ARAP1: variants seen among roughly 807,000 people sequenced by gnomAD.
The protein encoded by ARAP1 is ArfGAP with RhoGAP domain, ankyrin repeat and PH domain 1, also known as arf-GAP with Rho-GAP domain, ANK repeat and PH domain-containing protein 1.
A neutral mutation model predicts 172.2 loss-of-function variants in ARAP1; 76 were observed. The observed-to-expected ratio is 0.44, with a 90% CI of 0.37 to 0.53. The LOEUF (loss-of-function observed/expected upper bound fraction) is 0.53. ARAP1 is among the 20% of genes least tolerant of loss of function. The probability of loss-of-function intolerance (pLI) is 0.00; values close to 1 mark genes in which losing one functional copy is unlikely to be tolerated. For synonymous variants in ARAP1, 804 were observed against 803.3 expected (o/e 1.00, Z -0.01); for missense variants, 1,686 against 1,977.5 (o/e 0.85, Z 2.80).
Position 72,697,417 on chromosome 11 carries a change from G to A in ARAP1, c.2859C>T (p.Ala953=). ...CCGACAGCGTGTCCCCCATGCTGGC[G>A]GCTGCTTTCTGGATGGCCCCCAGCC... ...MGWLGAIQKA[A]ASMGDTLSEQ... The change falls in exon 21 of 35, where the codon GCC becomes GCT. Residue 953 remains alanine, a synonymous_variant. Transcript: ENST00000393609. 1.2e-6 allele frequency: 2 copies of A among 1,611,892 alleles called. No individual in the cohort carries two copies. The highest frequency in any genetic ancestry group is 1.7e-6 in the Non-Finnish European group (2 of 1,179,504).
chr11:72,686,334 C>T (rs146488102), intron 33 of ARAP1, 143 bp from the exon 34 acceptor site: 3 of 1,144,180 alleles, frequency 2.6e-6, no homozygotes, highest in Non-Finnish European at 3.6e-6. Context: ...ATATGAGAAG[C>T]AGCTGTGGGG....
Position 72,687,713 on chromosome 11 carries a change from T to C in ARAP1, c.4096A>G (p.Thr1366Ala), listed in dbSNP as rs1855750655. ...CACTGCTGCTTCTCATGTTTCTCTG[T>C]CTCATGCACCACTGTGAAGCCCCAG... ...TCWGFTVVHE[T>A]EKHEKQQWYL... The change falls in exon 32 of 35, where the codon ACA (threonine) becomes GCA (alanine). Residue 1366 changes from threonine to alanine, a missense_variant. By Grantham distance (58) the Thr-to-Ala change is moderately conservative. Coordinates refer to ENST00000393609, the MANE Select transcript of ARAP1 (RefSeq NM_001040118.3). 1 of 1,613,992 alleles carries C rather than the reference T, an allele frequency of 6.2e-7. No individual in the cohort carries two copies. Among genetic ancestry groups the C allele is most frequent in the Non-Finnish European group, 8.5e-7 (1 of 1,180,030 alleles).
At chr11:72,735,472 T>G (rs1857992972) in intron 1 of ARAP1, among the ~76,000 whole-genome samples, 1 of 152,080 alleles carries the variant, frequency 6.6e-6, no homozygotes, top group Non-Finnish European at 1.5e-5. Flanking sequence ...GGTGGGTGCC[T>G]GTAATCCCAG....
At chr11:72,730,745 A>G (rs1046306195) in intron 2 of ARAP1, among the ~76,000 whole-genome samples, 1 of 152,220 alleles carries the variant, frequency 6.6e-6, no homozygotes, top group Non-Finnish European at 1.5e-5. Context: ...ACCCATAGGC[A>G]CTTAGCCTGC....
In ARAP1 at chr11:72,733,311, C is replaced by T. The variant is rs528949704; in HGVS notation, c.-127-714G>A. ...AATGCAGCCCTGCGACTAAAGAGGT[C>T]TCCCTGACACAGAGCCTGTCAGGAG... On this transcript the variant is annotated intron_variant, in intron 1 of 34. Transcript: ENST00000393609. 2.6e-5 allele frequency among the ~76,000 whole-genome samples: 4 copies of T among 152,266 alleles called. No homozygotes were observed. The South Asian group carries it at 8.3e-4, about 32-fold the overall frequency.
intron 7 of ARAP1, 130 bp from the exon 8 acceptor site, chr11:72,711,629 GC>G (rs1206622122): frequency 1.2e-5 from 8 of 692,264 alleles, no homozygotes; most frequent in East Asian, 2.6e-5. Flanking sequence ...ATCCCAAATG[GC>G]CACTGGCAAG....
intron 15 of ARAP1, 31 bp from the exon 16 acceptor site, chr11:72,701,814 T>A: frequency 1.2e-6 from 2 of 1,609,462 alleles, no homozygotes; most frequent in Non-Finnish European, 1.7e-6. Context: ...TGGCAGGTCA[T>A]GCTGGCCACC....
In ARAP1 at chr11:72,688,466, C is replaced by T; in HGVS notation, c.4059G>A (p.Arg1353=). 1.2e-6 allele frequency: 2 copies of T among 1,611,886 alleles called. No homozygotes were observed. Among genetic ancestry groups the T allele is most frequent in the Non-Finnish European group, 8.5e-7 (1 of 1,179,050 alleles). ...CAGTCCCAGCTTACCAGGTGGGTGG[C>T]CTGAGTTTCTTCTTCACTCCCAGGT... The part of the protein sequence containing the change: ...KVYLGVKKKL[R]PPTCWGFTVV... Residue 1353 remains arginine (R), a synonymous_variant, in exon 31 of 35, where the codon AGG becomes AGA. Coordinates refer to ENST00000393609, the MANE Select transcript of ARAP1 (RefSeq NM_001040118.3).
rs374148036 is a variant in ARAP1 at position 72,695,343 on chromosome 11, A to G, written c.3576+44T>C. On this transcript the variant is annotated intron_variant, in intron 26 of 34. Transcript: ENST00000393609. The surrounding 1 kb of genome is among the most constrained non-coding windows in gnomAD (Gnocchi z 4.4). Reference sequence around the variant, plus strand: ...GGCCATCTGAGCCTGTACCTGGCCCAGCCTGATTCTCTAGCCCCTTGGCTT... The same window carrying G: ...GGCCATCTGAGCCTGTACCTGGCCCGGCCTGATTCTCTAGCCCCTTGGCTT... The G allele has an allele frequency of 6.2e-7, 1 of 1,613,136 alleles. No homozygotes were observed. The highest frequency in any genetic ancestry group is 8.5e-7 in the Non-Finnish European group (1 of 1,179,372).
At chr11:72,713,129 A>C in intron 5 of ARAP1, 47 bp downstream of exon 5, 1 of 1,590,618 alleles carries the variant, frequency 6.3e-7, no homozygotes, top group Non-Finnish European at 8.6e-7. Flanking sequence ...GCAGCTGGGC[A>C]CCCCCACAAC....
At chr11:72,718,197 C>T (rs554389431) in intron 3 of ARAP1, among the ~76,000 whole-genome samples, 71 of 152,186 alleles carry the variant, frequency 4.7e-4, no homozygotes, top group African/African-American at 1.5e-3. Flanking sequence ...TGAGTCAGGA[C>T]GGAGCCCAGG....
chr11:72,697,625 T>A lies in ARAP1; in HGVS notation c.2762A>T (p.Gln921Leu). The part of the protein sequence containing the change: ...ELSIQGDSEN[Q>L]VLVLVERRRT... The stretch of plus-strand genomic sequence containing the variant: ...CCTTCGCTCCACCAGCACCAGCACC[T>A]GGTTCTCACTGTCCCCCTGGATGGC... The change falls in exon 20 of 35, where the codon CAG (glutamine) becomes CTG (leucine). Residue 921 changes from glutamine (Q) to leucine (L), a missense_variant. Gln to Leu is a moderately radical substitution (Grantham distance 113). Around this residue, in one of 5 missense-constraint regions of ARAP1, gnomAD observed 274 missense variants for 262.7 expected, o/e 1.04. Transcript: ENST00000393609. 1 of 1,614,132 alleles carries A rather than the reference T, an allele frequency of 6.2e-7. No individual in the cohort carries two copies. The highest frequency in any genetic ancestry group is 8.5e-7 in the Non-Finnish European group (1 of 1,179,980).
At chr11:72,696,436 A>G (rs780973055) in intron 23 of ARAP1, 113 bp downstream of exon 23, 45 of 756,244 alleles carry the variant, frequency 6.0e-5, no homozygotes, top group African/African-American at 1.1e-4. Flanking sequence ...GATCACAGTC[A>G]GCACTTGGTG....
intron 1 of ARAP1, among the ~76,000 whole-genome samples, chr11:72,739,687 C>G (rs1196899503): frequency 2.0e-5 from 3 of 152,204 alleles, no homozygotes. Context: ...CACGCCACCG[C>G]ATGTGTACTG....
chr11:72,729,047 G>T (rs1857781121), intron 2 of ARAP1, among the ~76,000 whole-genome samples: 1 of 152,176 alleles, frequency 6.6e-6, no homozygotes, highest in South Asian at 2.1e-4. Flanking sequence ...AAGCCACAAT[G>T]ATTAAAACAG....
At chr11:72,687,989 T>C (rs146879242) in intron 31 of ARAP1, among the ~76,000 whole-genome samples, 10 of 116,598 alleles carry the variant, frequency 8.6e-5, no homozygotes, top group African/African-American at 3.1e-4. Flanking sequence ...ACCTGAGAAT[T>C]TGTGTTTTTT....
In ARAP1 at chr11:72,693,077, A is replaced by G; in HGVS notation, c.3954+248T>C. The G allele has an allele frequency of 1.5e-6, 1 of 651,878 alleles. No individual in the cohort carries two copies. Among genetic ancestry groups the G allele is most frequent in the South Asian group, 1.9e-5 (1 of 52,380 alleles). 40.4% of individuals were successfully genotyped at this position (651,878 alleles called of 1,614,324 possible). ...TGATAAGGCACAGGCACAGTGAGAC[A>G]GAGCATGGGCATGGAGTGGTGTGAT... On this transcript the variant is annotated intron_variant, in intron 29 of 34. Coordinates refer to ENST00000393609, the MANE Select transcript of ARAP1 (RefSeq NM_001040118.3). The surrounding 1 kb of genome is among the most constrained non-coding windows in gnomAD (Gnocchi z 4.6).
In ARAP1 at chr11:72,695,221, G is replaced by T. The variant is rs1368286140; in HGVS notation, c.3577-124C>A. On this transcript the variant is annotated intron_variant, in intron 26 of 34. Coordinates refer to ENST00000393609, the MANE Select transcript of ARAP1 (RefSeq NM_001040118.3). The surrounding 1 kb of genome is among the most constrained non-coding windows in gnomAD (Gnocchi z 4.4). Reference sequence around the variant, plus strand: ...CCCTTCTGGAGTCCTGGGATAGAGAGGGGTATTTCTGAGTGGTCCTTAGGA... The same window carrying T: ...CCCTTCTGGAGTCCTGGGATAGAGATGGGTATTTCTGAGTGGTCCTTAGGA... The T allele has an allele frequency of 3.0e-6, 4 of 1,333,262 alleles. No individual in the cohort carries two copies. The East Asian group carries it at 6.9e-5, about 23-fold the overall frequency. The allele number at this position is 1,333,262 out of a possible 1,614,324, so 82.6% of individuals were successfully genotyped here.
In ARAP1 at chr11:72,693,759, C is replaced by T. The variant is rs1325023622; in HGVS notation, c.3741G>A (p.Gly1247=). The T allele has an allele frequency of 1.9e-6, 3 of 1,609,824 alleles. No individual in the cohort carries two copies. The highest frequency in any genetic ancestry group is 2.5e-6 in the Non-Finnish European group (3 of 1,178,098). ...CCACCAGGTGGCTGTCCGTGCCCAGCCCGTGCAGGATGGGCAGCACCTTCT... is the reference window on the plus strand; with the variant it reads ...CCACCAGGTGGCTGTCCGTGCCCAGTCCGTGCAGGATGGGCAGCACCTTCT... ...FAEKVLPILH[G]LGTDSHLVVK... Residue 1247 remains glycine, a synonymous_variant, in exon 28 of 35, where the codon GGG becomes GGA. Coordinates refer to ENST00000393609, the MANE Select transcript of ARAP1 (RefSeq NM_001040118.3). This position sits in a 1 kb window ranked among gnomAD's most constrained non-coding sequence, Gnocchi z 4.6.
Sources: gnomAD v4.1 joint callset for allele counts (sites outside exome capture counted in the v4.1 genomes callset) on GRCh38, gnomAD v4.1.1 for gene constraint, gnomAD v4.1.1 regional missense constraint, Gnocchi (gnomAD v3.1) non-coding constraint, MANE v1.5 for transcripts, NCBI Gene and HGNC (gene_info 2026-07-23, HGNC 2026-07-21) for gene names.